Variants in MDGA2 observed in about 807,000 individuals in gnomAD.
The protein encoded by MDGA2 is MAM domain-containing glycosylphosphatidylinositol anchor protein 2.
MDGA2 carries 40 observed loss-of-function variants against 117.8 expected under a neutral mutation model. The ratio of observed to expected loss-of-function variants is 0.34; its 90% CI spans 0.26 to 0.44. The LOEUF (loss-of-function observed/expected upper bound fraction) is 0.44. MDGA2 is among the 20% of genes least tolerant of loss of function. The pLI is 1.00. For synonymous variants in MDGA2, 452 were observed against 439.0 expected (o/e 1.03, Z -0.37); for missense variants, 1,123 against 1,250.6 (o/e 0.90, Z 1.54).
intron 1 of MDGA2, among the ~76,000 whole-genome samples, chr14:47,621,838 G>A (rs1249683887): frequency 2.6e-5 from 4 of 152,134 alleles, no homozygotes; most frequent in African/African-American, 7.2e-5. Context: ...GCCAACATAC[G>A]TTGTAAGCGA....
intron 5 of MDGA2, among the ~76,000 whole-genome samples, chr14:47,126,907 G>A (rs1192550119): frequency 1.3e-5 from 2 of 151,994 alleles, no homozygotes; most frequent in African/African-American, 4.8e-5. Flanking sequence ...TGTATCATTT[G>A]GGCATTGTGC....
intron 6 of MDGA2, among the ~76,000 whole-genome samples, chr14:47,080,137 C>G (rs1321264824): frequency 1.3e-5 from 2 of 152,084 alleles, no homozygotes; most frequent in Non-Finnish European, 2.9e-5. Context: ...TTAACAGATA[C>G]TGAATGCCAA....
At chr14:47,665,291 CTTATT>C (rs1268876545) in intron 1 of MDGA2, among the ~76,000 whole-genome samples, 11 of 152,272 alleles carry the variant, frequency 7.2e-5, no homozygotes, top group Non-Finnish European at 1.3e-4. Flanking sequence ...TTCTCATAGC[CTTATT>C]TTATTTGTTT....
At chr14:47,239,918 A>G (rs761933486) in intron 2 of MDGA2, among the ~76,000 whole-genome samples, 7 of 151,744 alleles carry the variant, frequency 4.6e-5, no homozygotes, top group Non-Finnish European at 8.8e-5. Context: ...TTTTCTCTAT[A>G]TATTTCAGTC....
At chr14:46,982,443 G>A (rs1455037532) in intron 8 of MDGA2, among the ~76,000 whole-genome samples, 1 of 151,860 alleles carries the variant, frequency 6.6e-6, no homozygotes, top group Non-Finnish European at 1.5e-5. Flanking sequence ...GGGCATGGTG[G>A]CTCATGCCTG....
chr14:47,177,333 T>C (rs1387014343), intron 3 of MDGA2, among the ~76,000 whole-genome samples: 1 of 152,158 alleles, frequency 6.6e-6, no homozygotes, highest in Non-Finnish European at 1.5e-5. Flanking sequence ...ATCATGCTGC[T>C]ATAAAGACAC....
At chr14:47,342,613 A>G (rs533191293) in intron 1 of MDGA2, among the ~76,000 whole-genome samples, 1 of 152,296 alleles carries the variant, frequency 6.6e-6, no homozygotes, top group African/African-American at 2.4e-5. Flanking sequence ...AAATGCAGCT[A>G]TATATTTTAC....
At chr14:47,174,578 T>C (rs982729981) in intron 3 of MDGA2, among the ~76,000 whole-genome samples, 5 of 152,082 alleles carry the variant, frequency 3.3e-5, no homozygotes, top group Admixed American at 3.3e-4. Context: ...AAGGCAGAAA[T>C]AAAGATGTTC....
intron 6 of MDGA2, among the ~76,000 whole-genome samples, chr14:47,070,665 G>C (rs1019357715): frequency 1.1e-3 from 168 of 152,184 alleles, no homozygotes; most frequent in African/African-American, 3.9e-3. Flanking sequence ...GAGTGCAGTG[G>C]TGTGATCTTG....
chr14:47,186,468 C>T (rs556530757), intron 3 of MDGA2, among the ~76,000 whole-genome samples: 11 of 151,774 alleles, frequency 7.2e-5, no homozygotes, highest in Non-Finnish European at 1.3e-4. Context: ...GCACACATAA[C>T]ATGCTTCACT....
At chr14:46,951,027 T>G (rs17117803) in intron 9 of MDGA2, among the ~76,000 whole-genome samples, 17,883 of 151,912 alleles carry the variant, frequency 0.12, 2,004 homozygotes, top group African/African-American at 0.27. Context: ...CAGTCATTTT[T>G]AATTTCTTTA....
chr14:47,484,253 A>G (rs1224897745), intron 1 of MDGA2, among the ~76,000 whole-genome samples: 3 of 152,084 alleles, frequency 2.0e-5, no homozygotes, highest in Admixed American at 2.0e-4. Context: ...AAAAACACAT[A>G]TATATGTAGG....
chr14:46,939,392 A>G (rs928076093), intron 9 of MDGA2, among the ~76,000 whole-genome samples: 5 of 152,196 alleles, frequency 3.3e-5, no homozygotes, highest in East Asian at 1.9e-4. Context: ...TAAAATTATT[A>G]TAAGTCACTT....
In MDGA2 at chr14:46,955,193, T is replaced by C. The variant is rs553809978; in HGVS notation, c.2089+2181A>G. Among the ~76,000 whole-genome samples the C allele has an allele frequency of 5.3e-5, 8 of 152,116 alleles. No individual in the cohort carries two copies. In the South Asian group the frequency reaches 1.7e-3, roughly 32 times the overall value. On this transcript the variant is annotated intron_variant, in intron 9 of 16. Transcript: ENST00000399232. Reference sequence around the variant, plus strand: ...AACTATTAAAATAGAACTATTTATGTCTACATATTAATATATAAGTAATAT... The same window carrying C: ...AACTATTAAAATAGAACTATTTATGCCTACATATTAATATATAAGTAATAT...
chr14:47,603,487 A>C (rs1419451143), intron 1 of MDGA2, among the ~76,000 whole-genome samples: 1 of 152,202 alleles, frequency 6.6e-6, no homozygotes. Context: ...ATGCCCGGTC[A>C]TTCCACCGAA....
At chr14:47,563,973 T>C (rs1895869462) in intron 1 of MDGA2, among the ~76,000 whole-genome samples, 1 of 152,192 alleles carries the variant, frequency 6.6e-6, no homozygotes. Flanking sequence ...CCTTTAGCAC[T>C]TGCTTGTCTG....
intron 8 of MDGA2, among the ~76,000 whole-genome samples, chr14:47,033,880 C>CT (rs1436782466): frequency 1.3e-5 from 2 of 152,168 alleles, no homozygotes; most frequent in East Asian, 3.8e-4. Context: ...TTGTCTCATA[C>CT]TTTAATTATT....
rs544643769 is a variant in MDGA2 at position 47,353,019 on chromosome 14, G to A, written c.281-51469C>T. On this transcript the variant is annotated intron_variant, in intron 1 of 16. Transcript: ENST00000399232. ...CACCCTGAAAGAGAGGATTCAGGGTGAGCAGCTTGTAAGGATGAGGCAACA... is the reference window on the plus strand; with the variant it reads ...CACCCTGAAAGAGAGGATTCAGGGTAAGCAGCTTGTAAGGATGAGGCAACA... Among the ~76,000 whole-genome samples, 5 of 152,286 alleles carry A rather than the reference G, an allele frequency of 3.3e-5. No homozygotes were observed. The South Asian group carries it at 1.0e-3, about 32-fold the overall frequency.
chr14:47,010,194 T>C (rs1268189761), intron 8 of MDGA2, among the ~76,000 whole-genome samples: 1 of 152,020 alleles, frequency 6.6e-6, no homozygotes, highest in Non-Finnish European at 1.5e-5. Context: ...GGATAGAAAT[T>C]AGATCATAAT....
Sources: allele counts gnomAD v4.1 joint callset (sites outside exome capture counted in the v4.1 genomes callset), GRCh38; gene constraint gnomAD v4.1.1; transcripts MANE v1.5; gene names NCBI Gene and HGNC (gene_info 2026-07-23, HGNC 2026-07-21).